Variants in GOLGA5 observed in about 807,000 individuals in gnomAD.
The protein encoded by GOLGA5 is golgin subfamily A member 5.
GOLGA5 carries 50 observed loss-of-function variants against 93.5 expected under a neutral mutation model. That is an observed-to-expected ratio of 0.53 (90% CI 0.43 to 0.68). The LOEUF (loss-of-function observed/expected upper bound fraction) is 0.68. Among genes scored for constraint, GOLGA5 ranks in the 30% least tolerant of loss-of-function variants. The pLI, the probability that GOLGA5 is intolerant of heterozygous loss-of-function variation, is 0.00. For missense variants in GOLGA5, 760 were observed against 856.4 expected (o/e 0.89, Z 1.40); for synonymous variants, 312 against 304.5 (o/e 1.02, Z -0.26).
chr14:92,815,767 G>C (rs370357272), intron 6 of GOLGA5, among the ~76,000 whole-genome samples: 1 of 141,700 alleles, frequency 7.1e-6, no homozygotes, highest in Non-Finnish European at 1.5e-5. Context: ...GCGGTGGCGC[G>C]ATCTCGGCTC....
At chr14:92,803,677 T>C (rs1227761873) in intron 2 of GOLGA5, among the ~76,000 whole-genome samples, 2 of 152,188 alleles carry the variant, frequency 1.3e-5, no homozygotes, top group African/African-American at 4.8e-5. Flanking sequence ...TTCAGGAAAA[T>C]AATGTAGGGG....
intron 10 of GOLGA5, among the ~76,000 whole-genome samples, chr14:92,834,661 G>A (rs571329286): frequency 1.3e-5 from 2 of 152,348 alleles, no homozygotes; most frequent in South Asian, 4.1e-4. Context: ...TGAATCCAGA[G>A]AGCTTAGAAT....
chr14:92,834,584 ATT>A (rs780226496), intron 10 of GOLGA5, among the ~76,000 whole-genome samples: 1 of 152,244 alleles, frequency 6.6e-6, no homozygotes, highest in Non-Finnish European at 1.5e-5. Context: ...TTCCTGGCAT[ATT>A]TCAGGAACAG....
intron 3 of GOLGA5, among the ~76,000 whole-genome samples, chr14:92,809,079 G>T (rs892579477): frequency 6.6e-6 from 1 of 152,158 alleles, no homozygotes; most frequent in African/African-American, 2.4e-5. Flanking sequence ...TAGAAGAGCA[G>T]CTAGCTTCAC....
At chr14:92,799,486 C>CTG (rs1454790972) in intron 2 of GOLGA5, among the ~76,000 whole-genome samples, 1 of 147,832 alleles carries the variant, frequency 6.8e-6, no homozygotes, top group Non-Finnish European at 1.5e-5. Context: ...CAGGGTTTCA[C>CTG]TGTTAGCCAG....
chr14:92,795,904 C>T (rs953689312), intron 1 of GOLGA5, among the ~76,000 whole-genome samples: 1 of 152,222 alleles, frequency 6.6e-6, no homozygotes, highest in South Asian at 2.1e-4. Flanking sequence ...AAAGGAACAA[C>T]GTGCACATTC....
At chr14:92,814,371 A>C (rs1042200476) in intron 6 of GOLGA5, among the ~76,000 whole-genome samples, 1 of 152,076 alleles carries the variant, frequency 6.6e-6, no homozygotes. Flanking sequence ...ATGATCACCA[A>C]CCACAGCACG....
At chr14:92,816,463 C>G in intron 7 of GOLGA5, 42 bp downstream of exon 7, 1 of 1,545,908 alleles carries the variant, frequency 6.5e-7, no homozygotes, top group Non-Finnish European at 8.9e-7. Context: ...ACCATTTACC[C>G]TCAGGTGTTA....
intron 2 of GOLGA5, among the ~76,000 whole-genome samples, chr14:92,805,994 A>C (rs1247873679): frequency 1.3e-5 from 2 of 151,468 alleles, no homozygotes; most frequent in African/African-American, 2.4e-5. Flanking sequence ...AAAAAAAACA[A>C]AAAACCTTGT....
chr14:92,798,422 C>T (rs1480889789), intron 2 of GOLGA5, among the ~76,000 whole-genome samples: 2 of 152,126 alleles, frequency 1.3e-5, no homozygotes, highest in African/African-American at 4.8e-5. Flanking sequence ...CCACATCCTC[C>T]ACAAATAAAG....
chr14:92,831,541 G>A (rs993798061), intron 9 of GOLGA5, among the ~76,000 whole-genome samples: 2 of 152,134 alleles, frequency 1.3e-5, no homozygotes, highest in African/African-American at 4.8e-5. Flanking sequence ...CTAGGGTGAT[G>A]GAAACATTGT....
At chr14:92,826,113 C>T (rs1885416281) in intron 9 of GOLGA5, among the ~76,000 whole-genome samples, 1 of 152,084 alleles carries the variant, frequency 6.6e-6, no homozygotes, top group Admixed American at 6.5e-5. Flanking sequence ...TATGATCACC[C>T]CGCTGTACTC....
chr14:92,817,440 A>G (rs1347189535), intron 7 of GOLGA5, among the ~76,000 whole-genome samples: 1 of 152,232 alleles, frequency 6.6e-6, no homozygotes, highest in African/African-American at 2.4e-5. Context: ...GTTTTCTAAT[A>G]TTAGTATGGG....
rs1172143995 is a variant in GOLGA5 at position 92,839,864 on chromosome 14, T to C, written c.*418T>C. On this transcript the variant is annotated 3_prime_UTR_variant, in exon 13 of 13. Coordinates refer to ENST00000163416, the MANE Select transcript of GOLGA5 (RefSeq NM_005113.4). Reference sequence around the variant, plus strand: ...TTTTGGATTTTCATATATTTAACTTTGCAAAAAGATTTACTTTGTACATGT... The same window carrying C: ...TTTTGGATTTTCATATATTTAACTTCGCAAAAAGATTTACTTTGTACATGT... The C allele has an allele frequency of 5.2e-6, 1 of 191,486 alleles. No individual in the cohort carries two copies. Among genetic ancestry groups the C allele is most frequent in the Non-Finnish European group, 1.1e-5 (1 of 91,570 alleles). 11.9% of individuals were successfully genotyped at this position (191,486 alleles called of 1,614,324 possible).
At position 92,816,527 on chromosome 14, in the gene GOLGA5, T is replaced by TTCG. The variant is rs142530146; in HGVS notation, c.1491+106_1491+107insTCG. On this transcript the variant is annotated intron_variant, in intron 7 of 12. Coordinates refer to ENST00000163416, the MANE Select transcript of GOLGA5 (RefSeq NM_005113.4). ...ACTAAAGCGATAGGTTTCTCGCTTCTCTTCGCTTCGCTTCGCTTCTCTTCT... is the reference window on the plus strand; with the variant it reads ...ACTAAAGCGATAGGTTTCTCGCTTCTTCGCTTCGCTTCGCTTCGCTTCTCTTCT... 1,300 of 691,270 alleles carry TTCG rather than the reference T, an allele frequency of 1.9e-3. 11 individuals carry two copies. The African/African-American group carries it at 0.021, about 11-fold the overall frequency. 42.8% of individuals were successfully genotyped at this position (691,270 alleles called of 1,614,324 possible). A position where few individuals can be genotyped will look rare whatever the true frequency, so the allele number is the denominator to read the frequency against.
chr14:92,818,515 C>T (rs1299763596), intron 7 of GOLGA5, among the ~76,000 whole-genome samples: 1 of 152,134 alleles, frequency 6.6e-6, no homozygotes, highest in African/African-American at 2.4e-5. Context: ...AGAATTTGCC[C>T]GATGTAGTCA....
chr14:92,794,716 G>A (rs1249877667), intron 1 of GOLGA5, among the ~76,000 whole-genome samples: 1 of 152,106 alleles, frequency 6.6e-6, no homozygotes, highest in Non-Finnish European at 1.5e-5. Flanking sequence ...CGAGATGGGT[G>A]GGGAGCAGAG....
intron 3 of GOLGA5, among the ~76,000 whole-genome samples, chr14:92,808,727 T>C (rs1390467419): frequency 1.4e-5 from 2 of 145,626 alleles, no homozygotes; most frequent in Admixed American, 1.4e-4. Context: ...TTTGAGACCC[T>C]ATAAAGTTTG....
intron 9 of GOLGA5, among the ~76,000 whole-genome samples, chr14:92,829,303 TGCC>T (rs1885481283): frequency 6.6e-6 from 1 of 152,124 alleles, no homozygotes; most frequent in African/African-American, 2.4e-5. Flanking sequence ...AGGCTATTGC[TGCC>T]ATAGATTCCT....
Sources: allele counts gnomAD v4.1 joint callset (sites outside exome capture counted in the v4.1 genomes callset), GRCh38; gene constraint gnomAD v4.1.1; transcripts MANE v1.5; gene names NCBI Gene and HGNC (gene_info 2026-07-23, HGNC 2026-07-21).